Variants in NT5E observed in about 807,000 individuals in gnomAD.
NT5E encodes 5'-nucleotidase.
In NT5E, 53 loss-of-function variants were observed where a neutral mutation model predicts 55.1. The observed-to-expected ratio is 0.96, with a 90% CI of 0.77 to 1.21. The LOEUF (loss-of-function observed/expected upper bound fraction) is 1.21. Among genes scored for constraint, NT5E ranks in the 50% most tolerant of loss-of-function variants. The probability of loss-of-function intolerance (pLI) is 0.00; values close to 1 mark genes in which losing one functional copy is unlikely to be tolerated. For synonymous variants in NT5E, 270 were observed against 278.4 expected (o/e 0.97, Z 0.30); for missense variants, 683 against 724.3 (o/e 0.94, Z 0.65).
chr6:85,471,545 A>G (rs944422567), intron 3 of NT5E, 120 bp downstream of exon 3: 5 of 597,724 alleles, frequency 8.4e-6, no homozygotes, highest in African/African-American at 7.5e-5. Flanking sequence ...ATATTATATG[A>G]TCTATAATAT....
At chr6:85,461,078 G>T (rs993922719) in intron 1 of NT5E, among the ~76,000 whole-genome samples, 27 of 152,180 alleles carry the variant, frequency 1.8e-4, no homozygotes, top group African/African-American at 6.5e-4. Context: ...TGCATTAGTT[G>T]ATCCCTATAA....
chr6:85,491,582 C>A (rs2127725740), intron 7 of NT5E, among the ~76,000 whole-genome samples: 1 of 152,364 alleles, frequency 6.6e-6, no homozygotes, highest in East Asian at 1.9e-4. Flanking sequence ...GTCACCAAAT[C>A]CCAAATGATT....
At chr6:85,470,520 G>A (rs548299955) in intron 2 of NT5E, among the ~76,000 whole-genome samples, 5 of 152,202 alleles carry the variant, frequency 3.3e-5, no homozygotes, top group African/African-American at 9.6e-5. Context: ...GTATGGTCTC[G>A]GCTCATTGCA....
intron 4 of NT5E, among the ~76,000 whole-genome samples, chr6:85,486,073 G>C (rs1769652659): frequency 6.6e-6 from 1 of 152,206 alleles, no homozygotes; most frequent in Admixed American, 6.5e-5. Context: ...TAAGTTTAGT[G>C]AGGGCAGGGG....
Position 85,455,656 on chromosome 6 carries a change from C to G in NT5E, c.339+5178C>G, listed in dbSNP as rs559742529. 1.3e-3 allele frequency among the ~76,000 whole-genome samples: 191 copies of G among 152,320 alleles called. 1 individual carries two copies. Among genetic ancestry groups the G allele is most frequent in the African/African-American group, 4.3e-3 (178 of 41,574 alleles). On this transcript the variant is annotated intron_variant, in intron 1 of 8. Coordinates refer to ENST00000257770, the MANE Select transcript of NT5E (RefSeq NM_002526.4). ...GCCAAGGAGGAAGTAATGGAAACCC[C>G]TGATTTATAGCCATTCAGCCAGAAG...
At position 85,494,191 on chromosome 6, in the gene NT5E, G is replaced by GA; in HGVS notation, c.*195dup. On this transcript the variant is annotated 3_prime_UTR_variant, in exon 9 of 9. Coordinates refer to ENST00000257770, the MANE Select transcript of NT5E (RefSeq NM_002526.4). ...TCAGGGTCAGCAACCTAGTGAGTTA[G>GA]AAAAAAAATTAACATAGGGCCCTAT... 8.1e-6 allele frequency: 5 copies of GA among 621,088 alleles called. No individual in the cohort carries two copies. The highest frequency in any genetic ancestry group is 2.0e-5 in the South Asian group (1 of 49,262). The allele number at this position is 621,088 out of a possible 1,614,324, so 38.5% of individuals were successfully genotyped here.
chr6:85,468,687 G>T (rs929736684), intron 2 of NT5E, among the ~76,000 whole-genome samples: 3 of 152,180 alleles, frequency 2.0e-5, no homozygotes, highest in Non-Finnish European at 4.4e-5. Context: ...TAGAAAGTTG[G>T]ATCAGGGCTA....
At chr6:85,468,485 G>A (rs1000902664) in intron 2 of NT5E, among the ~76,000 whole-genome samples, 2 of 152,212 alleles carry the variant, frequency 1.3e-5, no homozygotes, top group Admixed American at 1.3e-4. Context: ...AAGCTAGGAT[G>A]CAGGCTCCAT....
intron 1 of NT5E, among the ~76,000 whole-genome samples, chr6:85,463,406 A>G (rs1402688313): frequency 2.6e-5 from 4 of 152,222 alleles, no homozygotes; most frequent in Non-Finnish European, 5.9e-5. Flanking sequence ...TAGGTACCCC[A>G]TACATTTATA....
At chr6:85,456,193 G>T (rs1486872874) in intron 1 of NT5E, among the ~76,000 whole-genome samples, 1 of 152,162 alleles carries the variant, frequency 6.6e-6, no homozygotes, top group Admixed American at 6.5e-5. Flanking sequence ...ACATATTGAG[G>T]TGCTGGGAAG....
intron 2 of NT5E, among the ~76,000 whole-genome samples, chr6:85,470,807 A>C (rs1324770251): frequency 6.6e-6 from 1 of 152,234 alleles, no homozygotes; most frequent in Non-Finnish European, 1.5e-5. Flanking sequence ...TTCAAGGACT[A>C]CTTGCTGACA....
At chr6:85,482,442 A>G (rs1769569249) in intron 3 of NT5E, among the ~76,000 whole-genome samples, 1 of 152,162 alleles carries the variant, frequency 6.6e-6, no homozygotes, top group African/African-American at 2.4e-5. Context: ...AGAAAGAGAA[A>G]GAAAAGGCTG....
intron 3 of NT5E, among the ~76,000 whole-genome samples, chr6:85,481,887 A>C (rs1445357760): frequency 1.3e-5 from 2 of 152,232 alleles, no homozygotes; most frequent in African/African-American, 4.8e-5. Flanking sequence ...GAGTAGAAAG[A>C]AGCATAGAAG....
At chr6:85,480,842 G>A (rs1037657253) in intron 3 of NT5E, among the ~76,000 whole-genome samples, 1 of 152,110 alleles carries the variant, frequency 6.6e-6, no homozygotes, top group African/African-American at 2.4e-5. Flanking sequence ...TACAAATTTA[G>A]AAAATAAAAT....
In NT5E at chr6:85,453,098, C is replaced by T. The variant is rs1454366165; in HGVS notation, c.339+2620C>T. ...GGACCCAGGGCAATCCTGGAGACCC[C>T]CTGGAACCACTACTAGGCAGAAAAC... is the stretch of plus-strand genomic sequence containing the variant. On this transcript the variant is annotated intron_variant, in intron 1 of 8. Transcript: ENST00000257770. 2.0e-5 allele frequency among the ~76,000 whole-genome samples: 3 copies of T among 152,116 alleles called. No homozygotes were observed. In the East Asian group the frequency reaches 5.8e-4, roughly 29 times the overall value.
At chr6:85,469,393 G>A (rs1320255167) in intron 2 of NT5E, among the ~76,000 whole-genome samples, 5 of 152,076 alleles carry the variant, frequency 3.3e-5, no homozygotes, top group Non-Finnish European at 5.9e-5. Flanking sequence ...CACTGTTTTA[G>A]GCACCAGGGA....
At chr6:85,452,340 A>G (rs902244499) in intron 1 of NT5E, among the ~76,000 whole-genome samples, 4 of 152,194 alleles carry the variant, frequency 2.6e-5, no homozygotes, top group Non-Finnish European at 5.9e-5. Flanking sequence ...GTTTTCCCTA[A>G]TAATATTTCC....
At chr6:85,482,315 G>A (rs1202975080) in intron 3 of NT5E, among the ~76,000 whole-genome samples, 1 of 151,436 alleles carries the variant, frequency 6.6e-6, no homozygotes, top group Non-Finnish European at 1.5e-5. Context: ...CTCTAGCCTG[G>A]GCAACAGAAT....
Position 85,464,193 on chromosome 6 carries a change from T to C in NT5E, c.340-2867T>C, listed in dbSNP as rs561780684. On this transcript the variant is annotated intron_variant, in intron 1 of 8. Transcript: ENST00000257770. ...AAGTGGTTCTAGTCCCAGCTCCCCC[T>C]TACAAATTGTGTGATCTTCAACAGT... 7.3e-5 allele frequency among the ~76,000 whole-genome samples: 11 copies of C among 150,964 alleles called. No homozygotes were observed. In the South Asian group the frequency reaches 2.3e-3, roughly 32 times the overall value.
Sources: allele counts gnomAD v4.1 joint callset (sites outside exome capture counted in the v4.1 genomes callset), GRCh38; gene constraint gnomAD v4.1.1; transcripts MANE v1.5; gene names NCBI Gene and HGNC (gene_info 2026-07-23, HGNC 2026-07-21).